COMMD1: variants seen among roughly 807,000 people sequenced by gnomAD.
The protein encoded by COMMD1 is copper metabolism domain containing 1.
COMMD1 carries 10 observed loss-of-function variants against 17.2 expected under a neutral mutation model. That is an observed-to-expected ratio of 0.58 (90% CI 0.36 to 0.99). The LOEUF (loss-of-function observed/expected upper bound fraction) is 0.99, where lower values mean the gene tolerates loss of function less well. Ranked by LOEUF, COMMD1 falls within the 50% of genes least tolerant of loss-of-function variation. The pLI is 0.01. For synonymous variants in COMMD1, 97 were observed against 91.6 expected (o/e 1.06, Z -0.34); for missense variants, 270 against 231.8 (o/e 1.17, Z -1.07).
intron 2 of COMMD1, among the ~76,000 whole-genome samples, chr2:62,108,592 A>C: frequency 6.6e-6 from 1 of 152,186 alleles, no homozygotes; most frequent in South Asian, 2.1e-4. Flanking sequence ...GCTAATAATA[A>C]TAAGACTCTA....
intron 2 of COMMD1, among the ~76,000 whole-genome samples, chr2:62,130,722 A>C (rs917344612): frequency 6.6e-6 from 1 of 152,154 alleles, no homozygotes; most frequent in African/African-American, 2.4e-5. Flanking sequence ...TAAGTCTTTT[A>C]TTTTCTAGTT....
intron 1 of COMMD1, among the ~76,000 whole-genome samples, chr2:61,957,056 G>A (rs1029190620): frequency 1.3e-5 from 2 of 151,144 alleles, no homozygotes; most frequent in Non-Finnish European, 1.5e-5. Flanking sequence ...CGGCAAGAAG[G>A]TGCATAGTTT....
At chr2:62,041,270 C>T (rs1670187287) in intron 2 of COMMD1, among the ~76,000 whole-genome samples, 1 of 152,224 alleles carries the variant, frequency 6.6e-6, no homozygotes, top group Admixed American at 6.5e-5. Flanking sequence ...GATTAAAAAT[C>T]ATGAATCTCT....
chr2:62,111,690 G>A (rs1364861654), intron 2 of COMMD1, among the ~76,000 whole-genome samples: 1 of 152,056 alleles, frequency 6.6e-6, no homozygotes, highest in Non-Finnish European at 1.5e-5. Context: ...AAGAGGGGAG[G>A]GAGACAGGAA....
At chr2:61,893,894 G>A (rs1176669470) in intron 1 of COMMD1, among the ~76,000 whole-genome samples, 1 of 151,930 alleles carries the variant, frequency 6.6e-6, no homozygotes, top group Non-Finnish European at 1.5e-5. Context: ...GATGTGGTGG[G>A]GCACAATACA....
intron 1 of COMMD1, among the ~76,000 whole-genome samples, chr2:61,971,339 T>C (rs1488646646): frequency 6.6e-6 from 1 of 152,154 alleles, no homozygotes; most frequent in African/African-American, 2.4e-5. Context: ...CTAATCCCGG[T>C]TGGCTAAACG....
chr2:61,969,997 C>T (rs958339595), intron 1 of COMMD1, among the ~76,000 whole-genome samples: 4 of 152,160 alleles, frequency 2.6e-5, no homozygotes, highest in South Asian at 4.2e-4. Flanking sequence ...TGGCTCACAC[C>T]TGTAATCCCA....
intron 1 of COMMD1, among the ~76,000 whole-genome samples, chr2:61,941,675 G>A (rs955316283): frequency 2.6e-5 from 4 of 152,156 alleles, no homozygotes; most frequent in Non-Finnish European, 4.4e-5. Flanking sequence ...ATAACTTTCT[G>A]TGCATTTAGA....
rs757736224 is a variant in COMMD1 at position 62,000,991 on chromosome 2, A to C, written c.462+9A>C. ...TAGGCAAATATGGACAGGTGAGTTA[A>C]ACTTAAGTCAATTTTCCTTTGTAAA... On this transcript the variant is annotated intron_variant, in intron 2 of 2. Transcript: ENST00000311832. 1.3e-5 allele frequency: 21 copies of C among 1,610,164 alleles called. No individual in the cohort carries two copies. The highest frequency in any genetic ancestry group is 1.7e-5 in the Non-Finnish European group (20 of 1,179,740).
chr2:61,945,512 T>G (rs1244891572), intron 1 of COMMD1, among the ~76,000 whole-genome samples: 1 of 152,210 alleles, frequency 6.6e-6, no homozygotes, highest in African/African-American at 2.4e-5. Flanking sequence ...TCAGGGGCAC[T>G]TGCACTCAGA....
chr2:62,041,873 C>T lies in COMMD1; in HGVS notation c.462+40891C>T, dbSNP rs187704190. Among the ~76,000 whole-genome samples, 302 of 152,286 alleles carry T rather than the reference C, an allele frequency of 2.0e-3. 1 individual carries two copies. Among genetic ancestry groups the T allele is most frequent in the African/African-American group, 6.7e-3 (278 of 41,542 alleles). ...GACTTTTGCTGTGAGTGTTGCAGCT[C>T]ATAAAGGCGATGCAGACCCAAAGAG... On this transcript the variant is annotated intron_variant, in intron 2 of 2. Coordinates refer to ENST00000311832, the MANE Select transcript of COMMD1 (RefSeq NM_152516.4).
At chr2:62,050,790 G>A (rs960661399) in intron 2 of COMMD1, among the ~76,000 whole-genome samples, 7 of 152,134 alleles carry the variant, frequency 4.6e-5, no homozygotes, top group African/African-American at 1.4e-4. Flanking sequence ...TTGAAGATGC[G>A]TGACTGATGT....
At chr2:62,022,302 A>T (rs1376280347) in intron 2 of COMMD1, among the ~76,000 whole-genome samples, 1 of 151,652 alleles carries the variant, frequency 6.6e-6, no homozygotes. Context: ...TCAGACTCTT[A>T]AGAAAATTGC....
intron 2 of COMMD1, among the ~76,000 whole-genome samples, chr2:62,113,546 G>A (rs1171354727): frequency 1.3e-5 from 2 of 152,072 alleles, no homozygotes; most frequent in African/African-American, 2.4e-5. Context: ...ACCACACCCA[G>A]CTAATTTTTG....
chr2:62,135,974 A>G lies in COMMD1; in HGVS notation c.*33A>G. On this transcript the variant is annotated 3_prime_UTR_variant, in exon 3 of 3. Transcript: ENST00000311832. The stretch of plus-strand genomic sequence containing the variant: ...GTATGAAGGAGTTGGAGTTGTTGAA[A>G]CCAAGGTGTCCATGATCCCTCCCCA... 1.8e-6 allele frequency: 2 copies of G among 1,139,606 alleles called. No homozygotes were observed. The highest frequency in any genetic ancestry group is 2.7e-6 in the Non-Finnish European group (2 of 747,054). The allele number at this position is 1,139,606 out of a possible 1,614,324, so 70.6% of individuals were successfully genotyped here.
chr2:62,022,274 T>C (rs1669631038), intron 2 of COMMD1, among the ~76,000 whole-genome samples: 1 of 152,014 alleles, frequency 6.6e-6, no homozygotes, highest in South Asian at 2.1e-4. Flanking sequence ...TTCTATAATG[T>C]AGTTTTTAAC....
intron 1 of COMMD1, among the ~76,000 whole-genome samples, chr2:61,978,440 TC>T (rs1017946277): frequency 1.3e-5 from 2 of 152,198 alleles, no homozygotes; most frequent in African/African-American, 4.8e-5. Context: ...CAAGGTTTTT[TC>T]CTTCAAATAT....
intron 1 of COMMD1, among the ~76,000 whole-genome samples, chr2:61,959,011 T>A (rs1056611789): frequency 1.3e-5 from 2 of 152,198 alleles, no homozygotes; most frequent in Non-Finnish European, 2.9e-5. Context: ...CCATGCAGAT[T>A]TTTTACTTTA....
At chr2:61,915,760 T>C (rs1280938707) in intron 1 of COMMD1, 1 of 449,188 alleles carries the variant, frequency 2.2e-6, no homozygotes, top group Non-Finnish European at 4.5e-6. Context: ...GCCTCCCAAT[T>C]GCTGGGATTA....
Sources: gnomAD v4.1 joint callset for allele counts (sites outside exome capture counted in the v4.1 genomes callset) on GRCh38, gnomAD v4.1.1 for gene constraint, MANE v1.5 for transcripts, NCBI Gene and HGNC (gene_info 2026-07-23, HGNC 2026-07-21) for gene names.